RASGRF2: variants seen among roughly 807,000 people sequenced by gnomAD.
RASGRF2 encodes Ras protein specific guanine nucleotide releasing factor 2.
A neutral mutation model predicts 151.0 loss-of-function variants in RASGRF2; 76 were observed. The observed-to-expected ratio is 0.50, with a 90% confidence interval of 0.42 to 0.61. The LOEUF (loss-of-function observed/expected upper bound fraction) is 0.61. RASGRF2 is among the 20% of genes least tolerant of loss of function. RASGRF2 has a pLI of 0.00. For missense variants in RASGRF2, 1,148 were observed against 1,564.6 expected, an observed-to-expected ratio of 0.73 and a Z score of 4.49; for synonymous variants, 504 against 566.5, an observed-to-expected ratio of 0.89 and a Z score of 1.57.
At chr5:81,207,034 G>T (rs967000465) in intron 20 of RASGRF2, 129 bp downstream of exon 20, 1 of 872,670 alleles carries the variant, frequency 1.1e-6, no homozygotes, top group Admixed American at 2.1e-5. Flanking sequence ...GAAGCTCTGT[G>T]AGATGAACCA....
At chr5:81,026,163 T>C (rs1218116833) in intron 1 of RASGRF2, among the ~76,000 whole-genome samples, 1 of 144,286 alleles carries the variant, frequency 6.9e-6, no homozygotes, top group Admixed American at 7.0e-5. Context: ...TCCCTCCCTC[T>C]CTTCCTCCCT....
chr5:81,139,774 C>T (rs1753840861), intron 17 of RASGRF2, among the ~76,000 whole-genome samples: 1 of 151,996 alleles, frequency 6.6e-6, no homozygotes, highest in Non-Finnish European at 1.5e-5. Flanking sequence ...AGGCGCCTAT[C>T]AAAATAATCC....
intron 18 of RASGRF2, among the ~76,000 whole-genome samples, chr5:81,180,704 C>T (rs1320649598): frequency 2.2e-5 from 3 of 136,106 alleles, no homozygotes; most frequent in Admixed American, 7.8e-5. Context: ...ACAAACCTCA[C>T]GGTCCCCCCT....
chr5:81,026,353 C>G (rs1183958737), intron 1 of RASGRF2, among the ~76,000 whole-genome samples: 1 of 151,806 alleles, frequency 6.6e-6, no homozygotes, highest in Admixed American at 6.6e-5. Context: ...AGTGGTCTCC[C>G]TAGGGCCAAG....
intron 2 of RASGRF2, among the ~76,000 whole-genome samples, chr5:81,057,581 A>G (rs1751265010): frequency 6.6e-6 from 1 of 152,112 alleles, no homozygotes; most frequent in South Asian, 2.1e-4. Context: ...TATTGTACAT[A>G]TTTACGAGGT....
Position 81,109,006 on chromosome 5 carries a change from A to G in RASGRF2, c.1766A>G (p.Asn589Ser), listed in dbSNP as rs1752923199. 1 of 1,610,324 alleles carries G rather than the reference A, an allele frequency of 6.2e-7. No individual in the cohort carries two copies. The highest frequency in any genetic ancestry group is 8.5e-7 in the Non-Finnish European group (1 of 1,177,060). ...CTTTTTATTTCACAGTGTGTGGACA[A>G]TATACGATGTAATGGTTTAATGACT... ...WMSDISQCVD[N>S]IRCNGLMTIV... Residue 589 changes from asparagine to serine, a missense_variant, in exon 13 of 27, where the codon AAT (asparagine) becomes AGT (serine). Coordinates refer to ENST00000265080, the MANE Select transcript of RASGRF2 (RefSeq NM_006909.3).
intron 2 of RASGRF2, among the ~76,000 whole-genome samples, chr5:81,065,447 A>G (rs560647087): frequency 2.6e-5 from 4 of 152,252 alleles, no homozygotes; most frequent in African/African-American, 9.6e-5. Context: ...CAGCTCCTTC[A>G]TTAGAGTTCT....
At chr5:81,015,622 C>G (rs1246578549) in intron 1 of RASGRF2, among the ~76,000 whole-genome samples, 4 of 151,554 alleles carry the variant, frequency 2.6e-5, no homozygotes, top group Non-Finnish European at 5.9e-5. Context: ...TAGCTTTTTC[C>G]TATTGATTTT....
intron 17 of RASGRF2, among the ~76,000 whole-genome samples, chr5:81,171,573 A>G (rs973448360): frequency 3.6e-5 from 5 of 137,060 alleles, no homozygotes; most frequent in Non-Finnish European, 6.2e-5. Flanking sequence ...GTGTGTGTGT[A>G]TGTGTTCTGC....
chr5:81,072,782 A>G (rs1751816990), intron 4 of RASGRF2, among the ~76,000 whole-genome samples: 1 of 152,230 alleles, frequency 6.6e-6, no homozygotes, highest in Non-Finnish European at 1.5e-5. Flanking sequence ...CTTGGGCTCA[A>G]GTGATCCTCT....
At chr5:81,115,922 C>T (rs1273898872) in intron 15 of RASGRF2, among the ~76,000 whole-genome samples, 1 of 152,006 alleles carries the variant, frequency 6.6e-6, no homozygotes, top group Non-Finnish European at 1.5e-5. Flanking sequence ...GCAGGGAGAT[C>T]ACATCTGGTT....
At chr5:81,183,118 A>G (rs1177488915) in intron 18 of RASGRF2, 37 of 912,504 alleles carry the variant, frequency 4.1e-5, no homozygotes, top group Non-Finnish European at 4.6e-5. Flanking sequence ...AGTTGTACTC[A>G]TCTCAAAACT....
At chr5:81,180,808 C>T (rs1053841550) in intron 18 of RASGRF2, among the ~76,000 whole-genome samples, 2 of 151,890 alleles carry the variant, frequency 1.3e-5, no homozygotes, top group Non-Finnish European at 2.9e-5. Flanking sequence ...GTTTTGGGTC[C>T]CAATGCTGTT....
At chr5:81,129,032 G>A (rs1486508478) in intron 17 of RASGRF2, among the ~76,000 whole-genome samples, 1 of 152,110 alleles carries the variant, frequency 6.6e-6, no homozygotes, top group Admixed American at 6.5e-5. Flanking sequence ...CCAACTACTT[G>A]GGAGGCTGAG....
At position 81,085,879 on chromosome 5, in the gene RASGRF2, G is replaced by C; in HGVS notation, c.1239G>C (p.Glu413Asp). 6.2e-7 allele frequency: 1 copy of C among 1,614,122 alleles called. No individual in the cohort carries two copies. Among genetic ancestry groups the C allele is most frequent in the Non-Finnish European group, 8.5e-7 (1 of 1,180,018 alleles). ...PHEHVERKSL[E>D]FAKSKLEELS... is the part of the protein sequence containing the mutation. ...AGCATGTGGAAAGGAAAAGCCTGGAGTTTGCCAAATCAAAGCTAGAGGAAC... is the reference window on the plus strand; with the variant it reads ...AGCATGTGGAAAGGAAAAGCCTGGACTTTGCCAAATCAAAGCTAGAGGAAC... The change falls in exon 8 of 27, where the codon GAG becomes GAC. Residue 413 changes from glutamate to aspartate, a missense_variant. This residue lies in a region of RASGRF2 where 176 missense variants were observed against 309.6 expected (regional missense o/e 0.57). Coordinates refer to ENST00000265080, the MANE Select transcript of RASGRF2 (RefSeq NM_006909.3).
intron 7 of RASGRF2, 71 bp downstream of exon 7, chr5:81,080,860 G>A: frequency 7.3e-7 from 1 of 1,377,560 alleles, no homozygotes; most frequent in Non-Finnish European, 1.0e-6. Flanking sequence ...AGCGTGACCA[G>A]CGTGAGATGC....
intron 12 of RASGRF2, among the ~76,000 whole-genome samples, chr5:81,108,145 A>C (rs1375620187): frequency 6.6e-6 from 1 of 152,280 alleles, no homozygotes; most frequent in Admixed American, 6.5e-5. Flanking sequence ...ACAAAACACT[A>C]TATAGTATCA....
intron 16 of RASGRF2, 45 bp from the exon 17 acceptor site, chr5:81,127,029 T>C: frequency 6.3e-7 from 1 of 1,580,462 alleles, no homozygotes. Context: ...CAGAATATTA[T>C]CCATTTGCCT....
At chr5:81,053,514 C>G (rs1192178564) in intron 2 of RASGRF2, among the ~76,000 whole-genome samples, 3 of 152,040 alleles carry the variant, frequency 2.0e-5, no homozygotes, top group African/African-American at 7.2e-5. Flanking sequence ...TTTTCTTAAT[C>G]CAGTCTATCA....
Sources: gnomAD v4.1 joint callset for allele counts (sites outside exome capture counted in the v4.1 genomes callset) on GRCh38, gnomAD v4.1.1 for gene constraint, gnomAD v4.1.1 regional missense constraint, MANE v1.5 for transcripts, NCBI Gene and HGNC (gene_info 2026-07-23, HGNC 2026-07-21) for gene names.